Variants in KCTD20 observed in about 807,000 individuals in gnomAD.
KCTD20 encodes the protein BTB/POZ domain-containing protein KCTD20.
Under a neutral mutation model 39.6 loss-of-function variants are expected in KCTD20, and 30 were observed. That is an observed-to-expected ratio of 0.76 (90% CI 0.57 to 1.03). The LOEUF is 1.03. Ranked by LOEUF, KCTD20 falls within the 50% of genes least tolerant of loss-of-function variation. The pLI is 0.00. For synonymous variants in KCTD20, 162 were observed against 180.6 expected (o/e 0.90, Z 0.83); for missense variants, 422 against 522.0 (o/e 0.81, Z 1.87).
chr6:36,483,148 AT>A (rs1776307685), intron 6 of KCTD20, among the ~76,000 whole-genome samples: 1 of 150,940 alleles, frequency 6.6e-6, no homozygotes, highest in African/African-American at 2.4e-5. Context: ...TTATACCTTT[AT>A]AATTTTGATA....
intron 4 of KCTD20, 105 bp downstream of exon 4, chr6:36,479,328 T>G: frequency 1.2e-6 from 1 of 828,658 alleles, no homozygotes; most frequent in South Asian, 1.8e-5. Context: ...GTCTCTGGTT[T>G]CCAGTTGTTT....
intron 2 of KCTD20, 110 bp from the exon 3 acceptor site, chr6:36,474,678 TA>T: frequency 1.9e-6 from 2 of 1,048,678 alleles, no homozygotes; most frequent in Non-Finnish European, 2.7e-6. Flanking sequence ...TGTGAACATC[TA>T]AAATTTGGGG....
intron 1 of KCTD20, among the ~76,000 whole-genome samples, chr6:36,456,578 C>CTTTTTT (rs58002986): frequency 9.3e-6 from 1 of 106,982 alleles, no homozygotes; most frequent in Non-Finnish European, 1.9e-5. Context: ...CACGCCCAGG[C>CTTTTTT]TTTTTTTTTT....
At chr6:36,473,938 A>G (rs1051116914) in intron 2 of KCTD20, among the ~76,000 whole-genome samples, 4 of 152,190 alleles carry the variant, frequency 2.6e-5, no homozygotes, top group African/African-American at 9.7e-5. Context: ...TTGAAAAAAT[A>G]GTGTAGGTGA....
At chr6:36,476,234 A>T (rs1444829218) in intron 3 of KCTD20, among the ~76,000 whole-genome samples, 2 of 152,158 alleles carry the variant, frequency 1.3e-5, no homozygotes, top group Admixed American at 6.5e-5. Flanking sequence ...TTATACATGT[A>T]GATTTGGCTT....
chr6:36,482,528 G>A (rs1377634786), intron 6 of KCTD20, among the ~76,000 whole-genome samples: 4 of 152,288 alleles, frequency 2.6e-5, no homozygotes, highest in African/African-American at 7.2e-5. Context: ...GCTCCAGCCC[G>A]GGCGACAGTG....
intron 1 of KCTD20, among the ~76,000 whole-genome samples, chr6:36,460,257 C>T (rs191586615): frequency 6.6e-6 from 1 of 152,242 alleles, no homozygotes; most frequent in East Asian, 1.9e-4. Context: ...TATAGAATTC[C>T]ATCTAACCAG....
chr6:36,490,961 C>A lies in KCTD20; in HGVS notation c.*3786C>A, dbSNP rs989598477. On this transcript the variant is annotated 3_prime_UTR_variant, in exon 8 of 8. Transcript: ENST00000373731. Reference sequence around the variant, plus strand: ...GATGCTTTCATGGGAGATGGAGCCACATTTGTGTTCTGGGTGGGATCACTA... The same window carrying A: ...GATGCTTTCATGGGAGATGGAGCCAAATTTGTGTTCTGGGTGGGATCACTA... 2.0e-5 allele frequency: 3 copies of A among 152,182 alleles called. No individual in the cohort carries two copies. The highest frequency in any genetic ancestry group is 7.2e-5 in the African/African-American group (3 of 41,440). 9.4% of individuals were successfully genotyped at this position (152,182 alleles called of 1,614,324 possible). A position where few individuals can be genotyped will look rare whatever the true frequency, so the allele number is the denominator to read the frequency against.
At chr6:36,444,132 T>C (rs1402037750) in intron 1 of KCTD20, among the ~76,000 whole-genome samples, 1 of 152,190 alleles carries the variant, frequency 6.6e-6, no homozygotes, top group African/African-American at 2.4e-5. Flanking sequence ...ACCTCTTCCA[T>C]AAATTTGATT....
chr6:36,452,187 T>A (rs1167570926), intron 1 of KCTD20, among the ~76,000 whole-genome samples: 1 of 152,222 alleles, frequency 6.6e-6, no homozygotes, highest in Non-Finnish European at 1.5e-5. Context: ...ATTATCCTTT[T>A]TTATGTGGCT....
intron 2 of KCTD20, among the ~76,000 whole-genome samples, chr6:36,471,066 G>A (rs996602954): frequency 2.6e-5 from 4 of 151,044 alleles, no homozygotes; most frequent in Non-Finnish European, 4.4e-5. Flanking sequence ...CACAAGAATC[G>A]CTTGAACCTG....
intron 2 of KCTD20, among the ~76,000 whole-genome samples, chr6:36,473,545 G>A (rs6457921): frequency 6.6e-6 from 1 of 151,698 alleles, no homozygotes; most frequent in Non-Finnish European, 1.5e-5. Context: ...GGCCAAGGCG[G>A]GCGGATCACG....
chr6:36,454,812 A>G (rs1028023885), intron 1 of KCTD20, among the ~76,000 whole-genome samples: 4 of 149,592 alleles, frequency 2.7e-5, no homozygotes, highest in Non-Finnish European at 4.4e-5. Flanking sequence ...TGCCTGGCTA[A>G]TTTTCATATT....
At chr6:36,482,518 G>A (rs1398645511) in intron 6 of KCTD20, among the ~76,000 whole-genome samples, 5 of 151,444 alleles carry the variant, frequency 3.3e-5, no homozygotes, top group Admixed American at 6.6e-5. Flanking sequence ...ACGCCATTGC[G>A]CTCCAGCCCG....
intron 5 of KCTD20, 111 bp downstream of exon 5, chr6:36,479,822 C>G: frequency 2.4e-6 from 2 of 831,960 alleles, no homozygotes; most frequent in South Asian, 1.6e-5. Context: ...GACAGAGTCT[C>G]GCTCTGTCGC....
chr6:36,455,673 T>C (rs899706574), intron 1 of KCTD20, among the ~76,000 whole-genome samples: 3 of 152,114 alleles, frequency 2.0e-5, no homozygotes, highest in Non-Finnish European at 4.4e-5. Context: ...TCACACTATG[T>C]TGGGGACTAG....
intron 1 of KCTD20, among the ~76,000 whole-genome samples, chr6:36,468,540 G>A (rs187566023): frequency 1.8e-4 from 27 of 152,302 alleles, no homozygotes; most frequent in African/African-American, 4.8e-4. Flanking sequence ...GAAGCAGACC[G>A]TCTTTGGTAA....
intron 1 of KCTD20, among the ~76,000 whole-genome samples, chr6:36,462,235 G>A (rs943758959): frequency 2.6e-5 from 4 of 152,018 alleles, no homozygotes; most frequent in African/African-American, 9.7e-5. Context: ...TTTCAAGTCT[G>A]TTGTCTTTGT....
intron 6 of KCTD20, 84 bp from the exon 7 acceptor site, chr6:36,484,630 C>A: frequency 3.0e-6 from 2 of 663,582 alleles, no homozygotes; most frequent in Non-Finnish European, 5.4e-6. Context: ...TCAAGTATAT[C>A]CTTCATTAGT....
Sources: allele counts gnomAD v4.1 joint callset (sites outside exome capture counted in the v4.1 genomes callset), GRCh38; gene constraint gnomAD v4.1.1; transcripts MANE v1.5; gene names NCBI Gene and HGNC (gene_info 2026-07-23, HGNC 2026-07-21).